EHD2: variants seen among roughly 807,000 people sequenced by gnomAD.
EHD2 encodes EH domain containing 2, also known as EH domain-containing protein 2.
In EHD2, 27 loss-of-function variants were observed where a neutral mutation model predicts 41.0. That is an observed-to-expected ratio of 0.66 (90% CI 0.49 to 0.91). The LOEUF (loss-of-function observed/expected upper bound fraction) is 0.91. EHD2 is among the 40% of genes least tolerant of loss of function. EHD2 has a pLI of 0.00. For missense variants in EHD2, 673 were observed against 773.9 expected, an observed-to-expected ratio of 0.87 and a Z score of 1.55; for synonymous variants, 342 against 341.0, an observed-to-expected ratio of 1.00 and a Z score of -0.03.
chr19:47,731,259 TGATTCTTTAAAAAAAAAAAA>T (rs1973803993), intron 4 of EHD2: 1 of 81,384 alleles, frequency 1.2e-5, no homozygotes, highest in African/African-American at 4.8e-5. Context: ...TCTAAATTTG[TGATTCTTTAAAAAAAAAAAA>T]ATATATATAT....
intron 4 of EHD2, chr19:47,729,773 A>C (rs1973789533): frequency 6.6e-6 from 1 of 151,552 alleles, no homozygotes; most frequent in Non-Finnish European, 1.5e-5. Flanking sequence ...AACCTTCGGA[A>C]TTCACCTTGC....
chr19:47,717,464 T>TC (rs1485613851), intron 2 of EHD2, among the ~76,000 whole-genome samples: 1 of 152,188 alleles, frequency 6.6e-6, no homozygotes, highest in Non-Finnish European at 1.5e-5. Flanking sequence ...ACCCAGTTCT[T>TC]CCCATGCCTG....
At chr19:47,740,202 CA>C (rs1329863483) in intron 5 of EHD2, among the ~76,000 whole-genome samples, 1 of 150,002 alleles carries the variant, frequency 6.7e-6, no homozygotes. Flanking sequence ...TTGGTCTCTA[CA>C]AAAAATTTTT....
intron 4 of EHD2, among the ~76,000 whole-genome samples, chr19:47,733,705 T>G (rs1238122946): frequency 7.8e-6 from 1 of 128,200 alleles, no homozygotes; most frequent in Non-Finnish European, 1.6e-5. Context: ...AAGTCATTAT[T>G]TGCACCACTG....
rs993393975 is a variant in EHD2 at position 47,742,926 on chromosome 19, T to C, written c.*1494T>C. The C allele has an allele frequency of 6.6e-6, 1 of 152,602 alleles. No homozygotes were observed. Among genetic ancestry groups the C allele is most frequent in the Admixed American group, 6.6e-5 (1 of 15,252 alleles). The allele number at this position is 152,602 out of a possible 1,614,324, so 9.5% of individuals were successfully genotyped here. On this transcript the variant is annotated 3_prime_UTR_variant, in exon 6 of 6. Transcript: ENST00000263277. ...CACCCCTAAAGGGACGCCGACGCTG[T>C]TTGCTGCCTTCACCACATATTAGTG...
intron 3 of EHD2, among the ~76,000 whole-genome samples, chr19:47,720,556 T>C (rs1973684333): frequency 6.6e-6 from 1 of 152,024 alleles, no homozygotes; most frequent in Non-Finnish European, 1.5e-5. Flanking sequence ...TCTGTCCCTA[T>C]ATACTGTTAT....
chr19:47,736,484 T>C lies in EHD2; in HGVS notation c.1031T>C (p.Leu344Pro). The change falls in exon 5 of 6, where the codon CTG becomes CCG. Residue 344 changes from leucine to proline, a missense_variant. Physicochemically the swap from Leu to Pro is moderately conservative, Grantham distance 98. Transcript: ENST00000263277. ...CCCGTCATCTTTGCGAAGATTCAGCTGGAACATCACATCTCCCCTGGGGAC... is the reference window on the plus strand; with the variant it reads ...CCCGTCATCTTTGCGAAGATTCAGCCGGAACATCACATCTCCCCTGGGGAC... ...KLPVIFAKIQ[L>P]EHHISPGDFP... The C allele has an allele frequency of 6.8e-6, 11 of 1,612,652 alleles. No homozygotes were observed. Among genetic ancestry groups the C allele is most frequent in the Non-Finnish European group, 9.3e-6 (11 of 1,179,436 alleles).
intron 4 of EHD2, among the ~76,000 whole-genome samples, chr19:47,730,081 G>T (rs1973792500): frequency 6.6e-6 from 1 of 151,990 alleles, no homozygotes; most frequent in Non-Finnish European, 1.5e-5. Context: ...GGGTGGGTCC[G>T]GGCCAGACAC....
chr19:47,727,207 C>T (rs1335312767), intron 4 of EHD2, among the ~76,000 whole-genome samples: 1 of 152,058 alleles, frequency 6.6e-6, no homozygotes, highest in Non-Finnish European at 1.5e-5. Flanking sequence ...TGAATTCAAG[C>T]GATTCTCCTG....
intron 3 of EHD2, among the ~76,000 whole-genome samples, chr19:47,724,884 G>C: frequency 6.7e-6 from 1 of 150,038 alleles, no homozygotes; most frequent in Non-Finnish European, 1.5e-5. Flanking sequence ...GCTGAGGCAG[G>C]AGAATTGCTT....
Position 47,719,234 on chromosome 19 carries a change from C to T in EHD2, c.502+628C>T, listed in dbSNP as rs1474813473. The stretch of plus-strand genomic sequence containing the variant: ...GGATTCCGAGGCAGTGAGACAGCGA[C>T]GCAGGGAGACACAAGGCCTGGAGAT... On this transcript the variant is annotated intron_variant, in intron 3 of 5. Coordinates refer to ENST00000263277, the MANE Select transcript of EHD2 (RefSeq NM_014601.4). This position sits in a 1 kb window ranked among gnomAD's most constrained non-coding sequence, Gnocchi z 4.1. Among the ~76,000 whole-genome samples, 18 of 152,022 alleles carry T rather than the reference C, an allele frequency of 1.2e-4. No individual in the cohort carries two copies. The highest frequency in any genetic ancestry group is 2.4e-4 in the Non-Finnish European group (16 of 68,004).
chr19:47,733,773 A>AAAAAAAAAAAAAAAC (rs1568592563), intron 4 of EHD2, among the ~76,000 whole-genome samples: 1 of 149,868 alleles, frequency 6.7e-6, no homozygotes, highest in Non-Finnish European at 1.5e-5. Flanking sequence ...AAAAAAAAAA[A>AAAAAAAAAAAAAAAC]AATCCACTGT....
chr19:47,734,404 T>C (rs140693787), intron 4 of EHD2, among the ~76,000 whole-genome samples: 11 of 152,154 alleles, frequency 7.2e-5, no homozygotes, highest in Non-Finnish European at 1.2e-4. Flanking sequence ...AAGGGACTCA[T>C]TGATAGGTTG....
intron 5 of EHD2, among the ~76,000 whole-genome samples, chr19:47,739,096 C>A (rs967525573): frequency 1.3e-5 from 2 of 151,762 alleles, no homozygotes; most frequent in African/African-American, 4.8e-5. Flanking sequence ...TTTCTCTCCC[C>A]CCCTGCACAC....
chr19:47,714,239 A>T (rs1289653354), intron 1 of EHD2, among the ~76,000 whole-genome samples: 1 of 152,012 alleles, frequency 6.6e-6, no homozygotes, highest in Non-Finnish European at 1.5e-5. Context: ...GCCTTTGAGC[A>T]CTTCCTCACC....
intron 4 of EHD2, among the ~76,000 whole-genome samples, chr19:47,734,752 A>G (rs1213100027): frequency 6.6e-6 from 1 of 151,252 alleles, no homozygotes; most frequent in Non-Finnish European, 1.5e-5. Context: ...TTCAAAAAGA[A>G]AAAAAAAGTG....
At chr19:47,740,532 G>A (rs1966975001) in intron 5 of EHD2, among the ~76,000 whole-genome samples, 1 of 152,158 alleles carries the variant, frequency 6.6e-6, no homozygotes, top group Non-Finnish European at 1.5e-5. Context: ...CGAATCATGA[G>A]GTCAGGAGTT....
At position 47,736,001 on chromosome 19, in the gene EHD2, G is replaced by T. The variant is rs1172665475; in HGVS notation, c.916-368G>T. Among the ~76,000 whole-genome samples the T allele has an allele frequency of 2.6e-5, 4 of 152,030 alleles. No individual in the cohort carries two copies. In the East Asian group the frequency reaches 7.7e-4, roughly 29 times the overall value. ...TCACGAGGTCAGGAGTTTGAGACCA[G>T]CCTGACCAGCATGGTGAAACCCCAT... is the stretch of plus-strand genomic sequence containing the variant. On this transcript the variant is annotated intron_variant, in intron 4 of 5. Coordinates refer to ENST00000263277, the MANE Select transcript of EHD2 (RefSeq NM_014601.4).
Position 47,716,783 on chromosome 19 carries a change from C to T in EHD2, c.171C>T (p.Gly57=), listed in dbSNP as rs1396270139. ...CCCTGGAGGACGCAGACTTCGACGGCAAGCCCATGGTGCTGGTGGCCGGCC... is the reference window on the plus strand; with the variant it reads ...CCCTGGAGGACGCAGACTTCGACGGTAAGCCCATGGTGCTGGTGGCCGGCC... ...SPALEDADFD[G]KPMVLVAGQY... Residue 57 remains glycine (G), a synonymous_variant, in exon 2 of 6, where the codon GGC becomes GGT. Transcript: ENST00000263277. 1 of 1,611,886 alleles carries T rather than the reference C, an allele frequency of 6.2e-7. No homozygotes were observed. Among genetic ancestry groups the T allele is most frequent in the South Asian group, 1.1e-5 (1 of 90,692 alleles).
Sources: gnomAD v4.1 joint callset for allele counts (sites outside exome capture counted in the v4.1 genomes callset) on GRCh38, gnomAD v4.1.1 for gene constraint, Gnocchi (gnomAD v3.1) non-coding constraint, MANE v1.5 for transcripts, NCBI Gene and HGNC (gene_info 2026-07-23, HGNC 2026-07-21) for gene names.